The following TNNI3K variants were observed in gnomAD, a reference collection of about 807,000 sequenced individuals.
The protein encoded by TNNI3K is serine/threonine-protein kinase TNNI3K.
A neutral mutation model predicts 114.5 loss-of-function variants in TNNI3K; 140 were observed. The ratio of observed to expected loss-of-function variants is 1.22; its 90% CI spans 1.07 to 1.41. The LOEUF is 1.41. Ranked by LOEUF, TNNI3K falls within the 40% of genes most tolerant of loss-of-function variation. The probability of loss-of-function intolerance (pLI) is 0.00; values close to 1 mark genes in which losing one functional copy is unlikely to be tolerated. For synonymous variants in TNNI3K, 347 were observed against 347.5 expected, an observed-to-expected ratio of 1.00 and a Z score of 0.02; for missense variants, 1,125 against 1,007.6, an observed-to-expected ratio of 1.12 and a Z score of -1.58.
At chr1:74,425,609 AC>A (rs1378541531) in intron 17 of TNNI3K, among the ~76,000 whole-genome samples, 1 of 152,082 alleles carries the variant, frequency 6.6e-6, no homozygotes, top group Non-Finnish European at 1.5e-5. Context: ...TTTGTTGGTT[AC>A]CAATAACTCC....
chr1:74,364,436 T>G (rs1024659255), intron 11 of TNNI3K, among the ~76,000 whole-genome samples: 12 of 151,772 alleles, frequency 7.9e-5, no homozygotes, highest in African/African-American at 2.9e-4. Flanking sequence ...CACTGAAATA[T>G]TCATGAAACT....
chr1:74,318,922 C>A (rs1043486283), intron 5 of TNNI3K, among the ~76,000 whole-genome samples: 1 of 152,188 alleles, frequency 6.6e-6, no homozygotes, highest in Non-Finnish European at 1.5e-5. Context: ...TCATTTCCAA[C>A]CTGGGTGTTT....
At chr1:74,494,820 C>T (rs1669247250) in intron 23 of TNNI3K, among the ~76,000 whole-genome samples, 2 of 152,128 alleles carry the variant, frequency 1.3e-5, no homozygotes. Context: ...GTACTATTGT[C>T]ATAGCAGTGA....
intron 21 of TNNI3K, among the ~76,000 whole-genome samples, chr1:74,476,074 T>C (rs1013095435): frequency 6.6e-5 from 10 of 152,162 alleles, no homozygotes; most frequent in African/African-American, 2.4e-4. Flanking sequence ...AAAGGCTGTT[T>C]CATGAACTGA....
chr1:74,335,699 A>G lies in TNNI3K; in HGVS notation c.544-312A>G, dbSNP rs79281993. Among the ~76,000 whole-genome samples, 960 of 152,238 alleles carry G rather than the reference A, an allele frequency of 6.3e-3. 11 individuals are homozygous for G. The highest frequency in any genetic ancestry group is 0.022 in the African/African-American group (920 of 41,526). On this transcript the variant is annotated intron_variant, in intron 6 of 24. Coordinates refer to ENST00000326637, the MANE Select transcript of TNNI3K (RefSeq NM_015978.3). Reference sequence around the variant, plus strand: ...ATTTAAAAAATGGTCGCTTGTTCCAAAAGGTAGAGGTCATCTCCTGCTCTA... The same window carrying G: ...ATTTAAAAAATGGTCGCTTGTTCCAGAAGGTAGAGGTCATCTCCTGCTCTA...
intron 22 of TNNI3K, among the ~76,000 whole-genome samples, chr1:74,489,512 G>A (rs1417272620): frequency 6.6e-6 from 1 of 152,136 alleles, no homozygotes; most frequent in Admixed American, 6.6e-5. Flanking sequence ...CTTAAAAATT[G>A]ATAAGTAAAA....
At chr1:74,346,114 T>C (rs1169176093) in intron 9 of TNNI3K, 1 of 152,136 alleles carries the variant, frequency 6.6e-6, no homozygotes, top group Non-Finnish European at 1.5e-5. Context: ...ATTGATAGGG[T>C]ATTGTCTATT....
chr1:74,524,857 C>A lies in TNNI3K; in HGVS notation c.2352-15377C>A, dbSNP rs45581040. Among the ~76,000 whole-genome samples, 463 of 152,170 alleles carry A rather than the reference C, an allele frequency of 3.0e-3. 1 individual carries two copies. The highest frequency in any genetic ancestry group is 4.9e-3 in the Admixed American group (75 of 15,286). On this transcript the variant is annotated intron_variant, in intron 23 of 24. Coordinates refer to ENST00000326637, the MANE Select transcript of TNNI3K (RefSeq NM_015978.3). The stretch of plus-strand genomic sequence containing the variant: ...AGATTTACTATGATTGAGATGCATG[C>A]CACTGCAGGGGTTTGGGCAGAGAGG...
rs1056288625 is a variant in TNNI3K at position 74,370,606 on chromosome 1, A to G, written c.1772+214A>G. The G allele has an allele frequency of 8.2e-6, 3 of 365,306 alleles. No homozygotes were observed. In the South Asian group the frequency reaches 3.0e-4, roughly 36 times the overall value. The allele number at this position is 365,306 out of a possible 1,614,324, so 22.6% of individuals were successfully genotyped here. ...TGCTTCTCAGGGATCTTTTAAATCT[A>G]TGAAGAATATTCACAAATATAGTAA... On this transcript the variant is annotated intron_variant, in intron 17 of 24. Transcript: ENST00000326637.
intron 4 of TNNI3K, among the ~76,000 whole-genome samples, chr1:74,257,486 A>G (rs964109340): frequency 9.2e-5 from 14 of 152,052 alleles, no homozygotes; most frequent in Admixed American, 2.0e-4. Flanking sequence ...TGTTATAGGA[A>G]ATCTTTATCA....
intron 23 of TNNI3K, among the ~76,000 whole-genome samples, chr1:74,507,233 C>CCCA (rs397717161): frequency 7.1e-6 from 1 of 140,912 alleles, no homozygotes; most frequent in Non-Finnish European, 1.5e-5. Context: ...ACCCCCCCCC[C>CCCA]ATCTTTTTAA....
intron 17 of TNNI3K, chr1:74,372,889 A>G (rs1662690088): frequency 6.6e-6 from 1 of 151,902 alleles, no homozygotes; most frequent in Non-Finnish European, 1.5e-5. Flanking sequence ...TTATATCTAC[A>G]ATTTTTGCTG....
At chr1:74,459,455 G>T (rs912210913) in intron 20 of TNNI3K, among the ~76,000 whole-genome samples, 1 of 152,126 alleles carries the variant, frequency 6.6e-6, no homozygotes, top group African/African-American at 2.4e-5. Flanking sequence ...AGAGCTAAAT[G>T]ACAGTAGATG....
intron 5 of TNNI3K, among the ~76,000 whole-genome samples, chr1:74,299,356 G>A (rs186551028): frequency 1.3e-5 from 2 of 152,130 alleles, no homozygotes; most frequent in African/African-American, 4.8e-5. Context: ...TTTTAAATAC[G>A]TTGTTAGTGT....
At chr1:74,348,606 G>T (rs1032315431) in intron 9 of TNNI3K, among the ~76,000 whole-genome samples, 1 of 152,092 alleles carries the variant, frequency 6.6e-6, no homozygotes, top group South Asian at 2.1e-4. Context: ...CCATTTTCAC[G>T]ACATTGATTC....
intron 9 of TNNI3K, among the ~76,000 whole-genome samples, chr1:74,347,415 G>C (rs1406642228): frequency 2.0e-5 from 3 of 151,910 alleles, no homozygotes; most frequent in African/African-American, 7.3e-5. Context: ...GGACATTTGG[G>C]TTGGTTCCAA....
intron 4 of TNNI3K, among the ~76,000 whole-genome samples, chr1:74,259,004 A>G (rs1448757049): frequency 6.6e-6 from 1 of 152,226 alleles, no homozygotes; most frequent in East Asian, 1.9e-4. Context: ...TGGTCACATG[A>G]TCAGTAGCAT....
intron 23 of TNNI3K, among the ~76,000 whole-genome samples, chr1:74,517,989 CA>C (rs769840145): frequency 5.9e-5 from 9 of 152,282 alleles, no homozygotes; most frequent in Non-Finnish European, 7.3e-5. Flanking sequence ...TGACTGTGGT[CA>C]GCATACGGTG....
intron 11 of TNNI3K, 100 bp from the exon 12 acceptor site, chr1:74,367,156 C>G: frequency 8.8e-7 from 1 of 1,139,612 alleles, no homozygotes; most frequent in East Asian, 2.4e-5. Flanking sequence ...ATGATTTGTC[C>G]TATGTTGTAA....
Sources: allele counts gnomAD v4.1 joint callset (sites outside exome capture counted in the v4.1 genomes callset), GRCh38; gene constraint gnomAD v4.1.1; transcripts MANE v1.5; gene names NCBI Gene and HGNC (gene_info 2026-07-23, HGNC 2026-07-21).